The following ST6GAL2 variants were observed in gnomAD, a reference collection of about 807,000 sequenced individuals.
ST6GAL2 encodes the protein ST6 beta-galactoside alpha-2,6-sialyltransferase 2.
ST6GAL2 carries 24 observed loss-of-function variants against 37.5 expected under a neutral mutation model. The observed-to-expected ratio is 0.64, with a 90% CI of 0.46 to 0.90. ST6GAL2 has a LOEUF of 0.90. Ranked by LOEUF, ST6GAL2 falls within the 40% of genes least tolerant of loss-of-function variation. The pLI is 0.00. For missense variants in ST6GAL2, 715 were observed against 712.7 expected (o/e 1.00, Z -0.04); for synonymous variants, 306 against 295.1 (o/e 1.04, Z -0.38).
intron 5 of ST6GAL2, among the ~76,000 whole-genome samples, chr2:106,807,405 T>C (rs1161360927): frequency 6.6e-6 from 1 of 152,176 alleles, no homozygotes; most frequent in East Asian, 1.9e-4. Flanking sequence ...GATTATAAAT[T>C]GACTATAATA....
At chr2:106,863,586 T>G (rs1677897111) in intron 1 of ST6GAL2, among the ~76,000 whole-genome samples, 1 of 152,114 alleles carries the variant, frequency 6.6e-6, no homozygotes, top group Non-Finnish European at 1.5e-5. Context: ...CAGTAGCCAC[T>G]ATGGGGCACT....
At chr2:106,855,708 A>G (rs915585081) in intron 1 of ST6GAL2, among the ~76,000 whole-genome samples, 2 of 152,248 alleles carry the variant, frequency 1.3e-5, no homozygotes, top group Admixed American at 6.5e-5. Context: ...AGTATTTAAT[A>G]ATTTTAAACA....
intron 5 of ST6GAL2, among the ~76,000 whole-genome samples, chr2:106,829,005 G>C (rs980345403): frequency 2.0e-5 from 3 of 152,244 alleles, no homozygotes; most frequent in South Asian, 2.1e-4. Flanking sequence ...ATACTCTTCG[G>C]TTAAGAGAGC....
intron 5 of ST6GAL2, among the ~76,000 whole-genome samples, chr2:106,808,510 C>T (rs76199090): frequency 0.041 from 6,260 of 152,250 alleles, 165 homozygotes; most frequent in South Asian, 0.089. Flanking sequence ...TCCCAGGTCC[C>T]TCTACCAGTT....
intron 5 of ST6GAL2, among the ~76,000 whole-genome samples, chr2:106,817,692 G>A (rs6744681): frequency 0.26 from 39,355 of 152,058 alleles, 5,332 homozygotes; most frequent in East Asian, 0.33. Context: ...AAAAGGAAAA[G>A]GAGGAGTAAA....
chr2:106,836,775 A>AC (rs1676660213), intron 2 of ST6GAL2, among the ~76,000 whole-genome samples: 1 of 28,532 alleles, frequency 3.5e-5, no homozygotes, highest in Admixed American at 3.8e-4. Flanking sequence ...TAAAAATACA[A>AC]AAAAAAAAAA....
In ST6GAL2 at chr2:106,886,109, C is replaced by T. The variant is rs1271756573; in HGVS notation, c.-74G>A. On this transcript the variant is annotated 5_prime_UTR_variant, in exon 1 of 6. Transcript: ENST00000409382. ...CTCCCTTACCAGCCTTCTTCCCACG[C>T]CGCGCCTCGAAGCGCACGACACCGT... The T allele has an allele frequency of 1.3e-5, 2 of 152,382 alleles. No individual in the cohort carries two copies. The highest frequency in any genetic ancestry group is 2.4e-5 in the African/African-American group (1 of 41,478). 9.4% of individuals were successfully genotyped at this position (152,382 alleles called of 1,614,324 possible).
At chr2:106,827,140 T>C (rs1383283833) in intron 5 of ST6GAL2, among the ~76,000 whole-genome samples, 2 of 152,140 alleles carry the variant, frequency 1.3e-5, no homozygotes. Context: ...GTCAATACCT[T>C]CTTAACATGA....
chr2:106,812,379 C>T (rs940823437), intron 5 of ST6GAL2, among the ~76,000 whole-genome samples: 1 of 152,180 alleles, frequency 6.6e-6, no homozygotes, highest in African/African-American at 2.4e-5. Context: ...TTTTGCCAAC[C>T]AGGGAAGCTT....
intron 1 of ST6GAL2, among the ~76,000 whole-genome samples, chr2:106,853,435 G>T (rs1677454601): frequency 6.6e-6 from 1 of 152,214 alleles, no homozygotes; most frequent in Admixed American, 6.5e-5. Flanking sequence ...GCTGTTGCAT[G>T]GTCCCAGGAC....
chr2:106,843,688 T>C lies in ST6GAL2; in HGVS notation c.290A>G (p.Gln97Arg). 6.2e-7 allele frequency: 1 copy of C among 1,613,274 alleles called. No homozygotes were observed. Among genetic ancestry groups the C allele is most frequent in the Non-Finnish European group, 8.5e-7 (1 of 1,180,020 alleles). The change falls in exon 2 of 6, where the codon CAG becomes CGG. Residue 97 changes from glutamine (Q) to arginine (R), a missense_variant. By Grantham distance (43) the Gln-to-Arg change is conservative. Coordinates refer to ENST00000409382, the MANE Select transcript of ST6GAL2 (RefSeq NM_001142351.2). ...GSFHAGPGDL[Q>R]KWAQSQDGFE... ...CCCATCTTGGGACTGGGCCCATTTC[T>C]GCAGGTCTCCAGGCCCCGCATGAAA...
At chr2:106,849,607 C>T (rs1466811043) in intron 1 of ST6GAL2, among the ~76,000 whole-genome samples, 1 of 152,172 alleles carries the variant, frequency 6.6e-6, no homozygotes, top group Non-Finnish European at 1.5e-5. Context: ...GCCTACCTTT[C>T]CCCTTCTAGG....
At chr2:106,814,159 C>T (rs1675713278) in intron 5 of ST6GAL2, among the ~76,000 whole-genome samples, 1 of 152,158 alleles carries the variant, frequency 6.6e-6, no homozygotes, top group African/African-American at 2.4e-5. Context: ...AGCTCATTTA[C>T]ACTGCATTAT....
In ST6GAL2 at chr2:106,843,486, C is replaced by A; in HGVS notation, c.492G>T (p.Pro164=). Residue 164 remains proline (P), a synonymous_variant, in exon 2 of 6, where the codon CCG becomes CCT. Transcript: ENST00000409382. ...GEPGPREGAF[P]AAQVQRRRVK... is the part of the protein sequence containing the mutation. ...CCCGCCTCCTCTGGACCTGTGCAGC[C>A]GGAAAAGCCCCCTCCCGTGGGCCTG... The A allele has an allele frequency of 6.2e-7, 1 of 1,614,050 alleles. No individual in the cohort carries two copies. The highest frequency in any genetic ancestry group is 1.1e-5 in the South Asian group (1 of 91,084).
chr2:106,867,645 G>T (rs1311309856), intron 1 of ST6GAL2, among the ~76,000 whole-genome samples: 1 of 152,082 alleles, frequency 6.6e-6, no homozygotes, highest in Non-Finnish European at 1.5e-5. Flanking sequence ...TCTAAGCAGA[G>T]GCTGCACTTC....
rs373545993 is a variant in ST6GAL2 at position 106,876,128 on chromosome 2, G to A, written c.-58+9965C>T. Among the ~76,000 whole-genome samples the A allele has an allele frequency of 1.8e-4, 24 of 134,122 alleles. No homozygotes were observed. In the East Asian group the frequency reaches 5.1e-3, roughly 28 times the overall value. The allele number at this position is 134,122 out of a possible 152,430, so 88.0% of individuals were successfully genotyped here. A position where few individuals can be genotyped will look rare whatever the true frequency, so the allele number is the denominator to read the frequency against. On this transcript the variant is annotated intron_variant, in intron 1 of 5. Coordinates refer to ENST00000409382, the MANE Select transcript of ST6GAL2 (RefSeq NM_001142351.2). ...ATTAAAAGTGCAAGTCACCATGCCT[G>A]GACACAAATTTCATTTTTAAAGTGT...
chr2:106,841,003 A>T (rs1676858105), intron 2 of ST6GAL2, among the ~76,000 whole-genome samples: 2 of 152,230 alleles, frequency 1.3e-5, no homozygotes, highest in African/African-American at 4.8e-5. Flanking sequence ...CTTCTTCTTA[A>T]TAAATTGCAG....
intron 1 of ST6GAL2, among the ~76,000 whole-genome samples, chr2:106,872,424 G>A (rs1464821184): frequency 6.6e-6 from 1 of 152,158 alleles, no homozygotes; most frequent in Non-Finnish European, 1.5e-5. Context: ...CATCCATGAA[G>A]TCACTGAAGT....
intron 1 of ST6GAL2, among the ~76,000 whole-genome samples, chr2:106,874,321 C>T (rs1678408035): frequency 6.6e-6 from 1 of 151,850 alleles, no homozygotes; most frequent in Admixed American, 6.6e-5. Flanking sequence ...GGGAGGCGGG[C>T]AGAAGGAGAG....
Sources: allele counts gnomAD v4.1 joint callset (sites outside exome capture counted in the v4.1 genomes callset), GRCh38; gene constraint gnomAD v4.1.1; transcripts MANE v1.5; gene names NCBI Gene and HGNC (gene_info 2026-07-23, HGNC 2026-07-21).